Variants in BCAS3 observed in about 807,000 individuals in gnomAD.
BCAS3 encodes BCAS4/BCAS3 fusion.
BCAS3 carries 53 observed loss-of-function variants against 116.1 expected under a neutral mutation model. The observed-to-expected ratio is 0.46, with a 90% CI of 0.37 to 0.57. The LOEUF (loss-of-function observed/expected upper bound fraction) is 0.57, where lower values mean the gene tolerates loss of function less well. BCAS3 is among the 20% of genes least tolerant of loss of function. The pLI is 0.00. For synonymous variants in BCAS3, 391 were observed against 408.2 expected, an observed-to-expected ratio of 0.96 and a Z score of 0.51; for missense variants, 917 against 1,165.4, an observed-to-expected ratio of 0.79 and a Z score of 3.10.
chr17:61,144,502 T>C lies in BCAS3; in HGVS notation c.2425+59938T>C, dbSNP rs2143958484. Among the ~76,000 whole-genome samples, 1 of 152,352 alleles carries C rather than the reference T, an allele frequency of 6.6e-6. No individual in the cohort carries two copies. The highest frequency in any genetic ancestry group is 2.1e-4 in the South Asian group (1 of 4,828). On this transcript the variant is annotated intron_variant, in intron 22 of 23. Transcript: ENST00000407086. This position sits in a 1 kb window ranked among gnomAD's most constrained non-coding sequence, Gnocchi z 5.0. ...TAATGCAAAAGTGTTAGACATCCAG[T>C]AAGCAGCCCTTTTTAGGCCTAAAAT... is the stretch of plus-strand genomic sequence containing the variant.
chr17:60,977,131 G>A lies in BCAS3; in HGVS notation c.1222-12840G>A, dbSNP rs952355715. On this transcript the variant is annotated intron_variant, in intron 14 of 23. Coordinates refer to ENST00000407086, the MANE Select transcript of BCAS3 (RefSeq NM_017679.5). ...GGCTGCCCCCCACCTCCCGGACAGG[G>A]CGGCTGGCCAGGCGGGGGCTGCCCC... 3.3e-5 allele frequency among the ~76,000 whole-genome samples: 5 copies of A among 151,984 alleles called. 1 individual carries two copies. Among genetic ancestry groups the A allele is most frequent in the Admixed American group, 3.3e-4 (5 of 15,258 alleles).
rs966774177 is a variant in BCAS3 at position 61,132,815 on chromosome 17, G to T, written c.2425+48251G>T. ...TGAGAAGAAGCTCCTTACCAGGTCT[G>T]TGTGGGTCACGGGGCAAGATCAAAG... is the stretch of plus-strand genomic sequence containing the variant. On this transcript the variant is annotated intron_variant, in intron 22 of 23. Transcript: ENST00000407086. This position sits in a 1 kb window ranked among gnomAD's most constrained non-coding sequence, Gnocchi z 5.1. 5.3e-5 allele frequency among the ~76,000 whole-genome samples: 8 copies of T among 152,128 alleles called. No individual in the cohort carries two copies. Among genetic ancestry groups the T allele is most frequent in the Admixed American group, 1.3e-4 (2 of 15,272 alleles).
chr17:60,797,214 G>A (rs769630327), intron 6 of BCAS3, among the ~76,000 whole-genome samples: 3 of 152,010 alleles, frequency 2.0e-5, no homozygotes, highest in Non-Finnish European at 2.9e-5. Flanking sequence ...TCTTTTTTAA[G>A]TCTGCATAAT....
At chr17:61,045,989 TTATA>T (rs1183653198) in intron 19 of BCAS3, among the ~76,000 whole-genome samples, 1 of 9,564 alleles carries the variant, frequency 1.0e-4, no homozygotes, top group Non-Finnish European at 1.3e-4. Flanking sequence ...ATATATATAT[TTATA>T]TATATATAAT....
chr17:61,051,336 T>C lies in BCAS3; in HGVS notation c.2029+10444T>C, dbSNP rs547439754. 6.0e-5 allele frequency among the ~76,000 whole-genome samples: 9 copies of C among 150,606 alleles called. No individual in the cohort carries two copies. The South Asian group carries it at 1.9e-3, about 31-fold the overall frequency. ...GTGGCTATATAGAGTTATTACAAGG[T>C]TGATCTTTGTGGTGATAGGACAGTT... On this transcript the variant is annotated intron_variant, in intron 19 of 23. Transcript: ENST00000407086. This position sits in a 1 kb window ranked among gnomAD's most constrained non-coding sequence, Gnocchi z 4.1.
intron 22 of BCAS3, among the ~76,000 whole-genome samples, chr17:61,158,262 G>A (rs2077975429): frequency 6.6e-6 from 1 of 152,068 alleles, no homozygotes; most frequent in African/African-American, 2.4e-5. Flanking sequence ...CCCATCAAAT[G>A]TCTTGTAATG....
chr17:60,841,601 C>T (rs1474294372), intron 7 of BCAS3, among the ~76,000 whole-genome samples: 1 of 146,858 alleles, frequency 6.8e-6, no homozygotes, highest in South Asian at 2.1e-4. Context: ...ACTGTGGTCT[C>T]GATCTCCTGA....
In BCAS3 at chr17:61,140,152, A is replaced by C. The variant is rs1176403039; in HGVS notation, c.2425+55588A>C. 6.6e-6 allele frequency among the ~76,000 whole-genome samples: 1 copy of C among 152,110 alleles called. No individual in the cohort carries two copies. The highest frequency in any genetic ancestry group is 1.5e-5 in the Non-Finnish European group (1 of 68,026). ...CTCAGGAGGCTGAGGCAGGAGAATC[A>C]CTGGAACCCAGAAGGCGGAGGTTGC... On this transcript the variant is annotated intron_variant, in intron 22 of 23. Coordinates refer to ENST00000407086, the MANE Select transcript of BCAS3 (RefSeq NM_017679.5). The surrounding 1 kb of genome is among the most constrained non-coding windows in gnomAD (Gnocchi z 4.2).
At chr17:60,998,598 A>C (rs1025763270) in intron 15 of BCAS3, among the ~76,000 whole-genome samples, 7 of 152,156 alleles carry the variant, frequency 4.6e-5, no homozygotes, top group African/African-American at 1.4e-4. Flanking sequence ...AGTGATAAGC[A>C]TTTTTATATG....
chr17:61,268,945 T>G (rs953836992), intron 22 of BCAS3, among the ~76,000 whole-genome samples: 2 of 151,630 alleles, frequency 1.3e-5, no homozygotes, highest in African/African-American at 2.4e-5. Flanking sequence ...AGGATTTCCT[T>G]TTTTTTTAAG....
intron 22 of BCAS3, among the ~76,000 whole-genome samples, chr17:61,318,066 A>G (rs949016017): frequency 1.3e-5 from 2 of 152,218 alleles, no homozygotes; most frequent in Non-Finnish European, 2.9e-5. Context: ...TGCAGGAAGC[A>G]GGGCCAGAGG....
intron 5 of BCAS3, among the ~76,000 whole-genome samples, chr17:60,722,545 G>T (rs1020252019): frequency 1.3e-5 from 2 of 151,542 alleles, no homozygotes; most frequent in Admixed American, 1.3e-4. Flanking sequence ...GGTAGATCAC[G>T]ACGTCAAGAG....
chr17:60,892,675 C>T (rs1018177813), intron 10 of BCAS3, among the ~76,000 whole-genome samples: 1 of 151,858 alleles, frequency 6.6e-6, no homozygotes, highest in Non-Finnish European at 1.5e-5. Context: ...AATCCCAGCA[C>T]TTTGAGAGGC....
At chr17:61,053,063 G>A (rs2143214868) in intron 19 of BCAS3, among the ~76,000 whole-genome samples, 1 of 152,010 alleles carries the variant, frequency 6.6e-6, no homozygotes, top group East Asian at 1.9e-4. Context: ...TGATTTATAG[G>A]CTTTAAAAAA....
At chr17:60,829,688 T>C (rs1034356151) in intron 7 of BCAS3, among the ~76,000 whole-genome samples, 10 of 152,188 alleles carry the variant, frequency 6.6e-5, no homozygotes, top group Non-Finnish European at 1.0e-4. Context: ...GGTCATAAGT[T>C]GTTCTCACTA....
chr17:60,877,648 G>T (rs570971275), intron 9 of BCAS3, among the ~76,000 whole-genome samples: 145 of 152,304 alleles, frequency 9.5e-4, no homozygotes, highest in African/African-American at 3.3e-3. Context: ...ACAGGAAGAA[G>T]AGATCTAGAG....
chr17:61,040,203 A>T (rs2067393660), intron 18 of BCAS3, among the ~76,000 whole-genome samples: 1 of 152,226 alleles, frequency 6.6e-6, no homozygotes, highest in South Asian at 2.1e-4. Flanking sequence ...TGGAGGCTCC[A>T]GCATTCTTTA....
intron 22 of BCAS3, chr17:61,086,861 A>C: frequency 2.0e-6 from 2 of 985,284 alleles, no homozygotes; most frequent in Non-Finnish European, 2.4e-6. Context: ...ATTGGTTCAG[A>C]TCCCTTTTGA....
rs1362094953 is a variant in BCAS3 at position 61,139,168 on chromosome 17, T to C, written c.2425+54604T>C. ...GTACTTGTATTGCTAGTGATAGAAG[T>C]TCTGAATTACGGATACATTCTTAGG... On this transcript the variant is annotated intron_variant, in intron 22 of 23. Coordinates refer to ENST00000407086, the MANE Select transcript of BCAS3 (RefSeq NM_017679.5). This position sits in a 1 kb window ranked among gnomAD's most constrained non-coding sequence, Gnocchi z 4.7. 1.3e-5 allele frequency among the ~76,000 whole-genome samples: 2 copies of C among 152,230 alleles called. No homozygotes were observed. The highest frequency in any genetic ancestry group is 2.1e-4 in the South Asian group (1 of 4,834).
Sources: gnomAD v4.1 joint callset for allele counts (sites outside exome capture counted in the v4.1 genomes callset) on GRCh38, gnomAD v4.1.1 for gene constraint, Gnocchi (gnomAD v3.1) non-coding constraint, MANE v1.5 for transcripts, NCBI Gene and HGNC (gene_info 2026-07-23, HGNC 2026-07-21) for gene names.